Variants in LSMEM2 observed in about 807,000 individuals in gnomAD.
LSMEM2 encodes leucine rich single-pass membrane protein 2.
A neutral mutation model predicts 17.3 loss-of-function variants in LSMEM2; 20 were observed. The ratio of observed to expected loss-of-function variants is 1.16; its 90% CI spans 0.81 to 1.68. The LOEUF (loss-of-function observed/expected upper bound fraction) is 1.68. LSMEM2 is among the 40% of genes most tolerant of loss of function. LSMEM2 has a pLI of 0.00. For missense variants in LSMEM2, 207 were observed against 214.3 expected (o/e 0.97, Z 0.21); for synonymous variants, 94 against 97.8 (o/e 0.96, Z 0.23).
At chr3:50,279,072 C>A, upstream of LSMEM2, 1 of 1,610,054 alleles carries the variant, frequency 6.2e-7, no homozygotes, top group Non-Finnish European at 8.5e-7. Context: ...TCCCTGGGCT[C>A]ACAAAGGAGC....
rs140169455 is a variant in LSMEM2 at position 50,287,204 on chromosome 3, A to G, written c.*2A>G. 2 of 1,602,810 alleles carry G rather than the reference A, an allele frequency of 1.2e-6. No individual in the cohort carries two copies. The highest frequency in any genetic ancestry group is 1.4e-5 in the African/African-American group (1 of 74,022). ...AGTGAGGCCCAAGCACCCAGCTGAG[A>G]TGCCATTTGGATCTGGGGCCTGGGG... On this transcript the variant is annotated 3_prime_UTR_variant, in exon 4 of 4. Coordinates refer to ENST00000316436, the MANE Select transcript of LSMEM2 (RefSeq NM_153215.3).
At chr3:50,280,680 G>A (rs1012264174) in intron 1 of LSMEM2, among the ~76,000 whole-genome samples, 4 of 150,154 alleles carry the variant, frequency 2.7e-5, no homozygotes, top group East Asian at 2.0e-4. Flanking sequence ...TGCAAGCTCC[G>A]CCTTCCGGGT....
chr3:50,279,185 A>AC lies in LSMEM2; in HGVS notation c.58+16dup. 1 of 1,613,566 alleles carries AC rather than the reference A, an allele frequency of 6.2e-7. No individual in the cohort carries two copies. The highest frequency in any genetic ancestry group is 1.1e-5 in the South Asian group (1 of 91,068). On this transcript the variant is annotated intron_variant, in intron 1 of 3. Coordinates refer to ENST00000316436, the MANE Select transcript of LSMEM2 (RefSeq NM_153215.3). ...AGACCCAAGAAGGTAGGAGAGGGTG[A>AC]CCATGAGGGAGGGCAAGGCCTCAGT...
chr3:50,284,341 A>C (rs1167980071), intron 1 of LSMEM2, among the ~76,000 whole-genome samples: 1 of 152,090 alleles, frequency 6.6e-6, no homozygotes. Flanking sequence ...ATGTAAATAT[A>C]ATTTTTTTCC....
upstream of LSMEM2, chr3:50,278,948 G>C: frequency 1.5e-6 from 1 of 686,740 alleles, no homozygotes; most frequent in South Asian, 1.8e-5. Context: ...GTTCAGGCTG[G>C]CCCACGTGGA....
Position 50,287,938 on chromosome 3 carries a change from C to T in LSMEM2, c.*736C>T, listed in dbSNP as rs901697364. The T allele has an allele frequency of 2.0e-6, 1 of 497,706 alleles. No individual in the cohort carries two copies. The highest frequency in any genetic ancestry group is 3.4e-5 in the East Asian group (1 of 29,172). 30.8% of individuals were successfully genotyped at this position (497,706 alleles called of 1,614,324 possible). On this transcript the variant is annotated 3_prime_UTR_variant, in exon 4 of 4. Coordinates refer to ENST00000316436, the MANE Select transcript of LSMEM2 (RefSeq NM_153215.3). ...GGGAAAGGCCCCCTAGTGCCTGCCC[C>T]ACAGCCCTGAGGAAGGCACATATTT...
chr3:50,284,405 G>T (rs1218581178), intron 1 of LSMEM2, among the ~76,000 whole-genome samples: 2 of 151,896 alleles, frequency 1.3e-5, no homozygotes, highest in Non-Finnish European at 2.9e-5. Context: ...GCTGTGGACA[G>T]TGCTTCTGGA....
Position 50,287,384 on chromosome 3 carries a change from G to A in LSMEM2, c.*182G>A. On this transcript the variant is annotated 3_prime_UTR_variant, in exon 4 of 4. Coordinates refer to ENST00000316436, the MANE Select transcript of LSMEM2 (RefSeq NM_153215.3). The stretch of plus-strand genomic sequence containing the variant: ...CCCTCTCCTGATCTCTTCAAGCCAG[G>A]CCTAGCCAAGCCTCTGGTGCCAAAG... 1.2e-6 allele frequency: 1 copy of A among 818,686 alleles called. No homozygotes were observed. The highest frequency in any genetic ancestry group is 1.8e-5 in the South Asian group (1 of 56,014). 50.7% of individuals were successfully genotyped at this position (818,686 alleles called of 1,614,324 possible). A position where few individuals can be genotyped will look rare whatever the true frequency, so the allele number is the denominator to read the frequency against.
intron 1 of LSMEM2, among the ~76,000 whole-genome samples, chr3:50,284,041 A>G (rs922384237): frequency 1.3e-5 from 2 of 151,978 alleles, no homozygotes; most frequent in Admixed American, 6.6e-5. Flanking sequence ...CCTGGTCTCT[A>G]CTAAAAATAC....
upstream of LSMEM2, chr3:50,278,937 A>T: frequency 1.6e-6 from 1 of 635,646 alleles, no homozygotes. Context: ...CCAGGTAGAT[A>T]GTTCAGGCTG....
In LSMEM2 at chr3:50,286,827, G is replaced by A; in HGVS notation, c.326G>A (p.Cys109Tyr). Residue 109 changes from cysteine (C) to tyrosine (Y), a missense_variant, in exon 3 of 4, where the codon TGC (cysteine) becomes TAC (tyrosine). Cys to Tyr is a radical substitution (Grantham distance 194, BLOSUM62 -2). Transcript: ENST00000316436. ...CTGCTCGCGCTGCTGGTGCTCACTTGCCTAGTGCTCGCACTCCTGGCTGTC... is the reference window on the plus strand; with the variant it reads ...CTGCTCGCGCTGCTGGTGCTCACTTACCTAGTGCTCGCACTCCTGGCTGTC... ...LLLLALLVLTCLVLALLAVYL... is the reference protein window; with the variant it reads ...LLLLALLVLTYLVLALLAVYL... 1 of 1,613,922 alleles carries A rather than the reference G, an allele frequency of 6.2e-7. No individual in the cohort carries two copies. The highest frequency in any genetic ancestry group is 1.1e-5 in the South Asian group (1 of 91,092).
At chr3:50,279,084 A>G (rs782706069), upstream of LSMEM2, 3 of 1,613,404 alleles carry the variant, frequency 1.9e-6, no homozygotes, top group South Asian at 2.2e-5. Context: ...CAAAGGAGCC[A>G]CTGCTGCATT....
intron 1 of LSMEM2, among the ~76,000 whole-genome samples, chr3:50,285,048 A>AT (rs1291452010): frequency 4.9e-5 from 7 of 143,912 alleles, no homozygotes; most frequent in African/African-American, 1.3e-4. Context: ...AAACAAAAAA[A>AT]CAGGCCGGGC....
At chr3:50,284,973 T>C (rs1392016615) in intron 1 of LSMEM2, among the ~76,000 whole-genome samples, 3 of 150,302 alleles carry the variant, frequency 2.0e-5, no homozygotes, top group Non-Finnish European at 4.4e-5. Context: ...GAGGTGGAGG[T>C]TGCAATGAGC....
chr3:50,280,435 G>A (rs940957011), intron 1 of LSMEM2, among the ~76,000 whole-genome samples: 2 of 152,076 alleles, frequency 1.3e-5, no homozygotes, highest in Non-Finnish European at 2.9e-5. Context: ...GATTACAGGC[G>A]TGAGCCACTG....
chr3:50,287,278 C>G lies in LSMEM2; in HGVS notation c.*76C>G. ...GTGGCTATGGGCAGGTCTCTCCTTC[C>G]CTACTGCTGGCTGCCACATCTACAC... On this transcript the variant is annotated 3_prime_UTR_variant, in exon 4 of 4. Coordinates refer to ENST00000316436, the MANE Select transcript of LSMEM2 (RefSeq NM_153215.3). The G allele has an allele frequency of 6.5e-7, 1 of 1,549,406 alleles. No individual in the cohort carries two copies.
At chr3:50,284,838 C>G (rs587653343) in intron 1 of LSMEM2, among the ~76,000 whole-genome samples, 1 of 150,446 alleles carries the variant, frequency 6.6e-6, no homozygotes, top group South Asian at 2.1e-4. Context: ...GAGTTTGAGA[C>G]CAGCCTAGCC....
chr3:50,280,508 A>C (rs1344224273), intron 1 of LSMEM2, among the ~76,000 whole-genome samples: 3 of 151,400 alleles, frequency 2.0e-5, no homozygotes, highest in African/African-American at 7.3e-5. Flanking sequence ...GTTTACTTTC[A>C]TGCATGTGTG....
intron 1 of LSMEM2, among the ~76,000 whole-genome samples, chr3:50,285,997 A>G (rs1390343692): frequency 6.6e-6 from 1 of 152,254 alleles, no homozygotes; most frequent in African/African-American, 2.4e-5. Context: ...CAGGGTTCAC[A>G]CATGTACAGC....
Sources: allele counts gnomAD v4.1 joint callset (sites outside exome capture counted in the v4.1 genomes callset), GRCh38; gene constraint gnomAD v4.1.1; transcripts MANE v1.5; gene names NCBI Gene and HGNC (gene_info 2026-07-23, HGNC 2026-07-21).